Variants in GPC6 observed in about 807,000 individuals in gnomAD.
The protein encoded by GPC6 is glypican 6.
Under a neutral mutation model 55.2 loss-of-function variants are expected in GPC6, and 14 were observed. The observed-to-expected ratio is 0.25, with a 90% CI of 0.17 to 0.40. The LOEUF (loss-of-function observed/expected upper bound fraction) is 0.40, where lower values mean the gene tolerates loss of function less well. Ranked by LOEUF, GPC6 falls within the 10% of genes least tolerant of loss-of-function variation. The pLI, the probability that GPC6 is intolerant of heterozygous loss-of-function variation, is 1.00. For synonymous variants in GPC6, 278 were observed against 259.6 expected, an observed-to-expected ratio of 1.07 and a Z score of -0.68; for missense variants, 641 against 708.5, an observed-to-expected ratio of 0.90 and a Z score of 1.08.
Position 93,731,081 on chromosome 13 carries a change from T to C in GPC6, c.320-99073T>C, listed in dbSNP as rs137939360. On this transcript the variant is annotated intron_variant, in intron 2 of 8. Coordinates refer to ENST00000377047, the MANE Select transcript of GPC6 (RefSeq NM_005708.5). Reference sequence around the variant, plus strand: ...TCCACAGGGCTTTGTCATGAGGGAGTGTGGGATACAGTGGGATACAATGAA... The same window carrying C: ...TCCACAGGGCTTTGTCATGAGGGAGCGTGGGATACAGTGGGATACAATGAA... Among the ~76,000 whole-genome samples, 200 of 151,956 alleles carry C rather than the reference T, an allele frequency of 1.3e-3. 3 individuals carry two copies. The East Asian group carries it at 0.034, about 26-fold the overall frequency.
chr13:94,188,440 A>G (rs1889273689), intron 4 of GPC6, among the ~76,000 whole-genome samples: 1 of 152,174 alleles, frequency 6.6e-6, no homozygotes, highest in African/African-American at 2.4e-5. Flanking sequence ...ATAACAAAGG[A>G]TATCTCAATA....
At chr13:93,748,822 C>T (rs923246665) in intron 2 of GPC6, among the ~76,000 whole-genome samples, 4 of 151,926 alleles carry the variant, frequency 2.6e-5, no homozygotes, top group Non-Finnish European at 5.9e-5. Context: ...CAAGTGAAAA[C>T]GAACAATACC....
intron 4 of GPC6, among the ~76,000 whole-genome samples, chr13:94,050,279 T>C (rs1883896112): frequency 6.6e-6 from 1 of 152,184 alleles, no homozygotes; most frequent in Non-Finnish European, 1.5e-5. Context: ...AACAGAGTGC[T>C]GTTAACTTCT....
chr13:93,305,967 G>T (rs1184459994), intron 1 of GPC6, among the ~76,000 whole-genome samples: 5 of 152,150 alleles, frequency 3.3e-5, no homozygotes, highest in Non-Finnish European at 7.4e-5. Flanking sequence ...ATTACCAAAA[G>T]ATTAAGGTAG....
chr13:93,392,162 T>G (rs2139219043), intron 1 of GPC6, among the ~76,000 whole-genome samples: 1 of 152,296 alleles, frequency 6.6e-6, no homozygotes, highest in South Asian at 2.1e-4. Flanking sequence ...CCTGTTCAAT[T>G]AAGCTGATAA....
intron 1 of GPC6, among the ~76,000 whole-genome samples, chr13:93,314,263 C>T (rs936213004): frequency 1.3e-5 from 2 of 152,098 alleles, no homozygotes; most frequent in Non-Finnish European, 2.9e-5. Context: ...ATATACTTGA[C>T]ACATGCTTTC....
chr13:93,576,019 T>C (rs1876647357), intron 2 of GPC6, among the ~76,000 whole-genome samples: 1 of 152,174 alleles, frequency 6.6e-6, no homozygotes, highest in African/African-American at 2.4e-5. Flanking sequence ...TCTTTCTTAA[T>C]TATTATTATT....
chr13:93,466,510 C>T (rs564204080), intron 1 of GPC6, among the ~76,000 whole-genome samples: 39 of 152,156 alleles, frequency 2.6e-4, no homozygotes, highest in African/African-American at 8.0e-4. Context: ...TTGAATGAGT[C>T]GAGGAATTGT....
intron 1 of GPC6, among the ~76,000 whole-genome samples, chr13:93,337,440 T>A (rs991358715): frequency 3.9e-5 from 6 of 152,146 alleles, no homozygotes; most frequent in Non-Finnish European, 8.8e-5. Flanking sequence ...GCTTTATATG[T>A]ATCTACTCAT....
intron 2 of GPC6, among the ~76,000 whole-genome samples, chr13:93,598,220 C>T (rs185565365): frequency 6.6e-6 from 1 of 152,198 alleles, no homozygotes; most frequent in Non-Finnish European, 1.5e-5. Context: ...TCTCTAACCC[C>T]CACAGTATTC....
intron 4 of GPC6, among the ~76,000 whole-genome samples, chr13:94,051,831 C>T (rs1283847574): frequency 6.6e-6 from 1 of 152,066 alleles, no homozygotes. Flanking sequence ...GCAGAAACAC[C>T]TTTCTAGTGA....
At chr13:93,605,670 C>G (rs9524144) in intron 2 of GPC6, among the ~76,000 whole-genome samples, 2 of 146,774 alleles carry the variant, frequency 1.4e-5, no homozygotes, top group Non-Finnish European at 3.0e-5. Context: ...AATCCTGTCT[C>G]TACAAAAATG....
intron 1 of GPC6, among the ~76,000 whole-genome samples, chr13:93,251,954 AT>A (rs1369050570): frequency 1.3e-5 from 2 of 151,910 alleles, no homozygotes; most frequent in African/African-American, 2.4e-5. Context: ...CTCTCATCTC[AT>A]TTTTCACAGG....
At chr13:93,896,678 T>G (rs1463440074) in intron 3 of GPC6, among the ~76,000 whole-genome samples, 2 of 152,082 alleles carry the variant, frequency 1.3e-5, no homozygotes, top group Non-Finnish European at 2.9e-5. Flanking sequence ...TGTATTAATA[T>G]TTTCTCTTTT....
At chr13:93,270,391 A>C (rs748472412) in intron 1 of GPC6, among the ~76,000 whole-genome samples, 1 of 152,072 alleles carries the variant, frequency 6.6e-6, no homozygotes, top group Admixed American at 6.6e-5. Context: ...TTACATATGT[A>C]TATCTTTATA....
At chr13:93,353,440 T>A (rs1288599760) in intron 1 of GPC6, among the ~76,000 whole-genome samples, 1 of 152,208 alleles carries the variant, frequency 6.6e-6, no homozygotes, top group Non-Finnish European at 1.5e-5. Flanking sequence ...GGGGTCCTGG[T>A]GTCCCTCGAT....
chr13:94,080,986 A>G (rs1885078178), intron 4 of GPC6, among the ~76,000 whole-genome samples: 1 of 152,206 alleles, frequency 6.6e-6, no homozygotes, highest in Admixed American at 6.5e-5. Context: ...CCTCATTGAT[A>G]GCAGCTAGCA....
At chr13:93,592,083 A>C (rs1877516233) in intron 2 of GPC6, among the ~76,000 whole-genome samples, 1 of 152,100 alleles carries the variant, frequency 6.6e-6, no homozygotes, top group African/African-American at 2.4e-5. Context: ...AGTTAAAGTA[A>C]GTGAAAATAA....
chr13:93,869,826 G>T (rs1028551696), intron 3 of GPC6, among the ~76,000 whole-genome samples: 2 of 151,680 alleles, frequency 1.3e-5, no homozygotes, highest in African/African-American at 2.4e-5. Flanking sequence ...TGTAATTTTT[G>T]AATACAACGG....
Sources: gnomAD v4.1 joint callset for allele counts (sites outside exome capture counted in the v4.1 genomes callset) on GRCh38, gnomAD v4.1.1 for gene constraint, MANE v1.5 for transcripts, NCBI Gene and HGNC (gene_info 2026-07-23, HGNC 2026-07-21) for gene names.